Variants in LPCAT2 observed in about 807,000 individuals in gnomAD.
LPCAT2 encodes lysophosphatidylcholine acyltransferase 2.
A neutral mutation model predicts 64.7 loss-of-function variants in LPCAT2; 58 were observed. The observed-to-expected ratio is 0.90, with a 90% CI of 0.73 to 1.12. LPCAT2 has a LOEUF of 1.12. LPCAT2 is among the 50% of genes most tolerant of loss of function. The pLI, the probability that LPCAT2 is intolerant of heterozygous loss-of-function variation, is 0.00. For synonymous variants in LPCAT2, 252 were observed against 245.3 expected, an observed-to-expected ratio of 1.03 and a Z score of -0.26; for missense variants, 579 against 669.8, an observed-to-expected ratio of 0.86 and a Z score of 1.50.
At chr16:55,580,306 A>T (rs1172523817) in intron 13 of LPCAT2, among the ~76,000 whole-genome samples, 4 of 152,196 alleles carry the variant, frequency 2.6e-5, no homozygotes. Flanking sequence ...GATGAAACTT[A>T]TGAGTCATAA....
At chr16:55,555,629 T>G (rs1280397650) in intron 11 of LPCAT2, among the ~76,000 whole-genome samples, 4 of 152,246 alleles carry the variant, frequency 2.6e-5, no homozygotes, top group Non-Finnish European at 5.9e-5. Flanking sequence ...ATCTCATAGA[T>G]GAACTATTCT....
chr16:55,570,885 G>A (rs1326511772), intron 11 of LPCAT2, among the ~76,000 whole-genome samples: 1 of 152,136 alleles, frequency 6.6e-6, no homozygotes, highest in Non-Finnish European at 1.5e-5. Flanking sequence ...AGAATTTACT[G>A]TATTTTAATA....
chr16:55,576,476 T>C (rs1336580230), intron 12 of LPCAT2, among the ~76,000 whole-genome samples: 1 of 151,554 alleles, frequency 6.6e-6, no homozygotes, highest in Non-Finnish European at 1.5e-5. Context: ...CAAAGTGGAA[T>C]TATTTGTAAG....
intron 11 of LPCAT2, among the ~76,000 whole-genome samples, chr16:55,558,471 A>G (rs1963601190): frequency 6.6e-6 from 1 of 152,148 alleles, no homozygotes; most frequent in South Asian, 2.1e-4. Context: ...TTTTTTTGCA[A>G]ACTTGCCAAT....
At chr16:55,547,494 A>G (rs1439063608) in intron 9 of LPCAT2, among the ~76,000 whole-genome samples, 3 of 152,180 alleles carry the variant, frequency 2.0e-5, no homozygotes, top group Non-Finnish European at 4.4e-5. Flanking sequence ...GTTATTTAAC[A>G]TTATCTTTAC....
intron 13 of LPCAT2, among the ~76,000 whole-genome samples, chr16:55,580,234 G>A (rs1460746255): frequency 6.6e-6 from 1 of 152,026 alleles, no homozygotes; most frequent in Non-Finnish European, 1.5e-5. Context: ...TAAATGCCTA[G>A]GGCACTTAAT....
chr16:55,509,989 G>GTTTT (rs1196878080), intron 1 of LPCAT2, among the ~76,000 whole-genome samples: 3 of 65,206 alleles, frequency 4.6e-5, no homozygotes, highest in Non-Finnish European at 7.9e-5. Context: ...ATTTGAAGAA[G>GTTTT]TCTTTTTTTT....
chr16:55,557,866 G>A (rs186569156), intron 11 of LPCAT2, among the ~76,000 whole-genome samples: 1 of 152,038 alleles, frequency 6.6e-6, no homozygotes, highest in Admixed American at 6.5e-5. Flanking sequence ...TATGCTATTG[G>A]CTCCTTCTAA....
intron 1 of LPCAT2, among the ~76,000 whole-genome samples, chr16:55,515,281 T>C (rs1962994697): frequency 6.6e-6 from 1 of 152,080 alleles, no homozygotes; most frequent in Non-Finnish European, 1.5e-5. Context: ...CTCAACAAGA[T>C]TAATGACTGA....
At chr16:55,542,010 G>A (rs1199195643) in intron 8 of LPCAT2, 17 of 1,140,870 alleles carry the variant, frequency 1.5e-5, no homozygotes, top group Non-Finnish European at 1.9e-5. Flanking sequence ...AAAAATAAAA[G>A]ATTGATTATA....
chr16:55,576,491 G>A, intron 12 of LPCAT2, among the ~76,000 whole-genome samples: 1 of 151,612 alleles, frequency 6.6e-6, no homozygotes, highest in East Asian at 1.9e-4. Flanking sequence ...TGTAAGGCCA[G>A]GGAGTAGACT....
intron 11 of LPCAT2, among the ~76,000 whole-genome samples, chr16:55,559,146 T>C (rs1376885694): frequency 2.6e-5 from 4 of 152,220 alleles, no homozygotes; most frequent in Non-Finnish European, 5.9e-5. Flanking sequence ...ACCAACACCA[T>C]TATGTGCATC....
intron 1 of LPCAT2, among the ~76,000 whole-genome samples, chr16:55,510,077 G>A (rs1027857291): frequency 6.9e-6 from 1 of 144,888 alleles, no homozygotes; most frequent in African/African-American, 2.5e-5. Context: ...GCCTAGGTCT[G>A]TGGTTAGAAC....
chr16:55,553,104 G>A (rs1963536388), intron 11 of LPCAT2, among the ~76,000 whole-genome samples: 1 of 152,164 alleles, frequency 6.6e-6, no homozygotes. Flanking sequence ...TGGGCATGGT[G>A]GTACATGCCT....
At chr16:55,526,157 C>T in intron 2 of LPCAT2, 1 of 152,248 alleles carries the variant, frequency 6.6e-6, no homozygotes. Flanking sequence ...CAATTATTAA[C>T]CAGTACAGTC....
chr16:55,567,303 T>A (rs778057503), intron 11 of LPCAT2: 1 of 1,613,666 alleles, frequency 6.2e-7, no homozygotes, highest in South Asian at 1.1e-5. Context: ...GGCCGCAGGC[T>A]TCCAGCTAAA....
intron 12 of LPCAT2, among the ~76,000 whole-genome samples, chr16:55,577,509 GGACT>G (rs1181552767): frequency 6.6e-6 from 1 of 152,124 alleles, no homozygotes; most frequent in African/African-American, 2.4e-5. Context: ...CTGTAAGATA[GGACT>G]GACAGTGGCA....
intron 1 of LPCAT2, among the ~76,000 whole-genome samples, chr16:55,510,234 G>A (rs565009779): frequency 6.6e-6 from 1 of 152,118 alleles, no homozygotes; most frequent in Non-Finnish European, 1.5e-5. Context: ...CGTTTCCTAA[G>A]TTGAAGCATG....
chr16:55,545,802 G>A lies in LPCAT2; in HGVS notation c.920G>A (p.Arg307Gln), dbSNP rs141449615. ...CCTGTCCTTTTTGCCAATAAAGTCCGGAATTTAATGGCAGAGTAAGTGTCT... is the reference window on the plus strand; with the variant it reads ...CCTGTCCTTTTTGCCAATAAAGTCCAGAATTTAATGGCAGAGTAAGTGTCT... The part of the protein sequence containing the change: ...NDPVLFANKV[R>Q]NLMAEALGIP... The change falls in exon 9 of 14, where the codon CGG (arginine) becomes CAG (glutamine). Residue 307 changes from arginine (R) to glutamine (Q), a missense_variant. Coordinates refer to ENST00000262134, the MANE Select transcript of LPCAT2 (RefSeq NM_017839.5). The A allele has an allele frequency of 1.2e-4, 201 of 1,609,640 alleles. No individual in the cohort carries two copies. The highest frequency in any genetic ancestry group is 3.2e-4 in the South Asian group (29 of 90,656).
Sources: allele counts gnomAD v4.1 joint callset (sites outside exome capture counted in the v4.1 genomes callset), GRCh38; gene constraint gnomAD v4.1.1; transcripts MANE v1.5; gene names NCBI Gene and HGNC (gene_info 2026-07-23, HGNC 2026-07-21).